Variants in SLC25A13 observed in about 807,000 individuals in gnomAD.
The protein encoded by SLC25A13 is electrogenic aspartate/glutamate antiporter SLC25A13, mitochondrial.
In SLC25A13, 70 loss-of-function variants were observed where a neutral mutation model predicts 85.5. The ratio of observed to expected loss-of-function variants is 0.82; its 90% CI spans 0.68 to 1.00. SLC25A13 has a LOEUF of 1.00. Ranked by LOEUF, SLC25A13 falls within the 50% of genes least tolerant of loss-of-function variation. The probability of loss-of-function intolerance (pLI) is 0.00; values close to 1 mark genes in which losing one functional copy is unlikely to be tolerated. For synonymous variants in SLC25A13, 259 were observed against 288.7 expected (o/e 0.90, Z 1.04); for missense variants, 765 against 819.8 (o/e 0.93, Z 0.82).
intron 15 of SLC25A13, among the ~76,000 whole-genome samples, chr7:96,129,804 TG>T (rs1584346749): frequency 6.6e-6 from 1 of 152,200 alleles, no homozygotes; most frequent in Admixed American, 6.5e-5. Context: ...GTGGAAACAC[TG>T]GAATTTGAAC....
At chr7:96,211,286 A>T in intron 4 of SLC25A13, among the ~76,000 whole-genome samples, 1 of 151,948 alleles carries the variant, frequency 6.6e-6, no homozygotes, top group East Asian at 1.9e-4. Context: ...GCCTCTATGA[A>T]ATGCCTGGCT....
In SLC25A13 at chr7:96,289,427, AGAG is replaced by A. The variant is rs1434450420; in HGVS notation, c.69+7468_69+7470del. On this transcript the variant is annotated intron_variant, in intron 2 of 17. Coordinates refer to ENST00000265631, the MANE Select transcript of SLC25A13 (RefSeq NM_014251.3). Reference sequence around the variant, plus strand: ...GACGGACAATGACTTTCACGAGTTGAGAGAAGAAGGCTTCAGACGATCAAACTT... The same window carrying A: ...GACGGACAATGACTTTCACGAGTTGAAAGAAGGCTTCAGACGATCAAACTT... Among the ~76,000 whole-genome samples the A allele has an allele frequency of 4.6e-5, 7 of 152,230 alleles. No individual in the cohort carries two copies. In the East Asian group the frequency reaches 1.3e-3, roughly 29 times the overall value.
chr7:96,213,174 G>A (rs941694281), intron 4 of SLC25A13, among the ~76,000 whole-genome samples: 1 of 152,062 alleles, frequency 6.6e-6, no homozygotes, highest in African/African-American at 2.4e-5. Context: ...GAAATGTTTG[G>A]TCTCTACGTT....
chr7:96,201,534 G>A (rs188274797), intron 5 of SLC25A13, among the ~76,000 whole-genome samples: 179 of 146,474 alleles, frequency 1.2e-3, no homozygotes, highest in African/African-American at 4.1e-3. Context: ...AAAAATTCAT[G>A]GTCTAGATAC....
At chr7:96,254,916 A>G (rs890385329) in intron 3 of SLC25A13, among the ~76,000 whole-genome samples, 1 of 152,216 alleles carries the variant, frequency 6.6e-6, no homozygotes, top group African/African-American at 2.4e-5. Context: ...CTTCTGTTGT[A>G]TAGTTTTGAT....
chr7:96,311,578 G>C (rs1263195532), intron 1 of SLC25A13, among the ~76,000 whole-genome samples: 1 of 152,134 alleles, frequency 6.6e-6, no homozygotes, highest in Admixed American at 6.6e-5. Context: ...AGATTTAAAA[G>C]ACGTATCAAC....
intron 1 of SLC25A13, among the ~76,000 whole-genome samples, chr7:96,309,896 GTTA>G (rs1371565912): frequency 2.6e-5 from 4 of 152,156 alleles, no homozygotes; most frequent in African/African-American, 7.2e-5. Flanking sequence ...CTTTGAAAAG[GTTA>G]TTAAGTTAAA....
chr7:96,185,858 C>T (rs753292127), intron 9 of SLC25A13, among the ~76,000 whole-genome samples: 1 of 152,020 alleles, frequency 6.6e-6, no homozygotes, highest in Non-Finnish European at 1.5e-5. Context: ...CGAGATCGCG[C>T]CACTGCACTC....
rs1334970428 is a variant in SLC25A13 at position 96,254,436 on chromosome 7, A to G, written c.213-19519T>C. On this transcript the variant is annotated intron_variant, in intron 3 of 17. Coordinates refer to ENST00000265631, the MANE Select transcript of SLC25A13 (RefSeq NM_014251.3). Reference sequence around the variant, plus strand: ...TGGCTTTCCCAGATCTCCAGCTTGCAGACAGCTGATACTGGGAATTCTCAG... The same window carrying G: ...TGGCTTTCCCAGATCTCCAGCTTGCGGACAGCTGATACTGGGAATTCTCAG... 2.6e-5 allele frequency among the ~76,000 whole-genome samples: 4 copies of G among 152,238 alleles called. No homozygotes were observed. The East Asian group carries it at 7.7e-4, about 29-fold the overall frequency.
At chr7:96,168,467 A>T (rs1031106747) in intron 13 of SLC25A13, among the ~76,000 whole-genome samples, 1 of 152,188 alleles carries the variant, frequency 6.6e-6, no homozygotes, top group East Asian at 1.9e-4. Flanking sequence ...ACCACTTCTG[A>T]TGCCAATGTG....
chr7:96,159,319 G>T (rs906887075), intron 13 of SLC25A13, among the ~76,000 whole-genome samples: 16 of 152,144 alleles, frequency 1.1e-4, no homozygotes, highest in African/African-American at 3.1e-4. Context: ...TAACTCTCAG[G>T]ACCTCAGAAT....
At chr7:96,156,344 T>A (rs376670521) in intron 13 of SLC25A13, among the ~76,000 whole-genome samples, 4 of 152,206 alleles carry the variant, frequency 2.6e-5, no homozygotes, top group East Asian at 1.9e-4. Flanking sequence ...TCGCCCAGGC[T>A]GGAGTGCAGT....
chr7:96,125,460 A>C (rs1791685768), intron 15 of SLC25A13, among the ~76,000 whole-genome samples: 1 of 152,154 alleles, frequency 6.6e-6, no homozygotes, highest in Non-Finnish European at 1.5e-5. Context: ...CTTGCATGTG[A>C]AAAACTAACT....
At chr7:96,306,063 G>A (rs1010775998) in intron 1 of SLC25A13, among the ~76,000 whole-genome samples, 1 of 152,188 alleles carries the variant, frequency 6.6e-6, no homozygotes, top group East Asian at 1.9e-4. Flanking sequence ...ACAGCCCTGA[G>A]GAGTAGACAC....
intron 3 of SLC25A13, among the ~76,000 whole-genome samples, chr7:96,237,144 C>T (rs796807425): frequency 1.3e-5 from 2 of 152,334 alleles, no homozygotes; most frequent in African/African-American, 4.8e-5. Flanking sequence ...AAATCTATGG[C>T]TGTAAGGCTG....
rs924595426 is a variant in SLC25A13 at position 96,186,526 on chromosome 7, G to A, written c.934-1515C>T. On this transcript the variant is annotated intron_variant, in intron 9 of 17. Transcript: ENST00000265631. ...ATTTGTAGTACTTATTGGAAATTTCGATTATTTCCCAAATTTTTGCTCTTT... is the reference window on the plus strand; with the variant it reads ...ATTTGTAGTACTTATTGGAAATTTCAATTATTTCCCAAATTTTTGCTCTTT... 2.6e-5 allele frequency among the ~76,000 whole-genome samples: 4 copies of A among 152,020 alleles called. No homozygotes were observed. The South Asian group carries it at 8.3e-4, about 32-fold the overall frequency.
At position 96,121,071 on chromosome 7, in the gene SLC25A13, T is replaced by C; in HGVS notation, c.*120A>G. The C allele has an allele frequency of 1.8e-6, 2 of 1,097,346 alleles. No homozygotes were observed. Among genetic ancestry groups the C allele is most frequent in the Non-Finnish European group, 2.8e-6 (2 of 724,392 alleles). 68.0% of individuals were successfully genotyped at this position (1,097,346 alleles called of 1,614,324 possible). The stretch of plus-strand genomic sequence containing the variant: ...AATGATTTCACATGATAAAAAAGCC[T>C]GGACTTGAATTTAAACAAGAGATGG... On this transcript the variant is annotated 3_prime_UTR_variant, in exon 18 of 18. Transcript: ENST00000265631.
chr7:96,304,904 T>G (rs961926139), intron 1 of SLC25A13, among the ~76,000 whole-genome samples: 6 of 152,220 alleles, frequency 3.9e-5, no homozygotes, highest in Non-Finnish European at 8.8e-5. Flanking sequence ...CATGCTATCA[T>G]AAGGCAGAGT....
At chr7:96,216,335 T>G (rs1281139418) in intron 4 of SLC25A13, among the ~76,000 whole-genome samples, 1 of 152,050 alleles carries the variant, frequency 6.6e-6, no homozygotes, top group Non-Finnish European at 1.5e-5. Flanking sequence ...TGGAATACAG[T>G]GTGGCAATTC....
Sources: allele counts gnomAD v4.1 joint callset (sites outside exome capture counted in the v4.1 genomes callset), GRCh38; gene constraint gnomAD v4.1.1; transcripts MANE v1.5; gene names NCBI Gene and HGNC (gene_info 2026-07-23, HGNC 2026-07-21).